XXYLT1: variants seen among roughly 807,000 people sequenced by gnomAD.
XXYLT1 encodes UDP-xylose:alpha-xyloside alpha-1,3-xylosyltransferase.
XXYLT1 carries 20 observed loss-of-function variants against 28.9 expected under a neutral mutation model. The ratio of observed to expected loss-of-function variants is 0.69; its 90% CI spans 0.49 to 1.00. The LOEUF (loss-of-function observed/expected upper bound fraction) is 1.00. XXYLT1 is among the 50% of genes least tolerant of loss of function. The pLI, the probability that XXYLT1 is intolerant of heterozygous loss-of-function variation, is 0.00. For missense variants in XXYLT1, 542 were observed against 560.1 expected (o/e 0.97, Z 0.33); for synonymous variants, 257 against 253.8 (o/e 1.01, Z -0.12).
chr3:195,071,873 G>A (rs960433501), intron 3 of XXYLT1, among the ~76,000 whole-genome samples: 8 of 152,192 alleles, frequency 5.3e-5, no homozygotes, highest in African/African-American at 1.9e-4. Flanking sequence ...TACCCTTCGA[G>A]GGGTGGGAAC....
intron 2 of XXYLT1, among the ~76,000 whole-genome samples, chr3:195,193,596 A>G (rs535139186): frequency 6.6e-6 from 1 of 152,340 alleles, no homozygotes; most frequent in African/African-American, 2.4e-5. Flanking sequence ...AATTTTGTAT[A>G]ATAACAAAGT....
intron 1 of XXYLT1, among the ~76,000 whole-genome samples, chr3:195,231,372 C>T (rs1184913011): frequency 2.0e-5 from 3 of 151,980 alleles, no homozygotes; most frequent in Admixed American, 1.3e-4. Context: ...TTTGGATAGG[C>T]TTTATGTCGT....
Position 195,180,457 on chromosome 3 carries a change from C to T in XXYLT1, c.653-23876G>A. Reference sequence around the variant, plus strand: ...GCTGCTTTTCTCATTTCATGAACTTCTTTTGAACAATTTCCTGTTCCTTTT... The same window carrying T: ...GCTGCTTTTCTCATTTCATGAACTTTTTTTGAACAATTTCCTGTTCCTTTT... On this transcript the variant is annotated intron_variant, in intron 2 of 3. Transcript: ENST00000310380. The surrounding 1 kb of genome is among the most constrained non-coding windows in gnomAD (Gnocchi z 5.8). The T allele has an allele frequency of 2.0e-6, 2 of 985,594 alleles. No individual in the cohort carries two copies. The highest frequency in any genetic ancestry group is 2.4e-6 in the Non-Finnish European group (2 of 830,048). The allele number at this position is 985,594 out of a possible 1,614,324, so 61.1% of individuals were successfully genotyped here. A position where few individuals can be genotyped will look rare whatever the true frequency, so the allele number is the denominator to read the frequency against.
rs1715217156 is a variant in XXYLT1 at position 195,077,939 on chromosome 3, TA to T, written c.786-7829del. On this transcript the variant is annotated intron_variant, in intron 3 of 3. Coordinates refer to ENST00000310380, the MANE Select transcript of XXYLT1 (RefSeq NM_152531.5). The surrounding 1 kb of genome is among the most constrained non-coding windows in gnomAD (Gnocchi z 4.8). ...CCCAGCATCTGCAGCCCTGGAGCTG[TA>T]AAAACAGATGGGCAGGGACTGGGGA... Among the ~76,000 whole-genome samples, 1 of 152,048 alleles carries T rather than the reference TA, an allele frequency of 6.6e-6. No homozygotes were observed. The highest frequency in any genetic ancestry group is 6.5e-5 in the Admixed American group (1 of 15,270).
intron 1 of XXYLT1, among the ~76,000 whole-genome samples, chr3:195,259,234 AC>A (rs1725589059): frequency 6.6e-6 from 1 of 152,244 alleles, no homozygotes; most frequent in Non-Finnish European, 1.5e-5. Context: ...AATAAATAAA[AC>A]CAATGGCCTT....
Position 195,164,336 on chromosome 3 carries a change from C to T in XXYLT1, c.653-7755G>A, listed in dbSNP as rs548491971. Among the ~76,000 whole-genome samples, 11 of 152,336 alleles carry T rather than the reference C, an allele frequency of 7.2e-5. No individual in the cohort carries two copies. In the South Asian group the frequency reaches 1.7e-3, roughly 23 times the overall value. Reference sequence around the variant, plus strand: ...TGCAGTGGAGCCGCTGCTGTGTTTCCGCATGGACTCTTGCTTGCTTCCCCT... The same window carrying T: ...TGCAGTGGAGCCGCTGCTGTGTTTCTGCATGGACTCTTGCTTGCTTCCCCT... On this transcript the variant is annotated intron_variant, in intron 2 of 3. Coordinates refer to ENST00000310380, the MANE Select transcript of XXYLT1 (RefSeq NM_152531.5).
chr3:195,158,139 C>G (rs1015976589), intron 2 of XXYLT1, among the ~76,000 whole-genome samples: 1 of 152,200 alleles, frequency 6.6e-6, no homozygotes, highest in African/African-American at 2.4e-5. Flanking sequence ...ATCATCACAT[C>G]GAAAGCCCAC....
At chr3:195,185,660 G>C (rs545800725) in intron 2 of XXYLT1, among the ~76,000 whole-genome samples, 50 of 152,162 alleles carry the variant, frequency 3.3e-4, no homozygotes, top group African/African-American at 1.2e-3. Flanking sequence ...CACAGGTGTT[G>C]GGCTGGCCTG....
At chr3:195,204,341 CAAA>C (rs962372077) in intron 2 of XXYLT1, among the ~76,000 whole-genome samples, 1 of 106,758 alleles carries the variant, frequency 9.4e-6, no homozygotes. Flanking sequence ...GACTCTGTCT[CAAA>C]AAAAAAAAAA....
rs1249814105 is a variant in XXYLT1, at chr3:195,143,865, G to GAT, written c.785+12582_785+12583dup. Reference sequence around the variant, plus strand: ...ATAGATATATATATAGATATATATAGATATAGATATATATATATATATATT... The same window carrying GAT: ...ATAGATATATATATAGATATATATAGATATATAGATATATATATATATATATT... On this transcript the variant is annotated intron_variant, in intron 3 of 3. Coordinates refer to ENST00000310380, the MANE Select transcript of XXYLT1 (RefSeq NM_152531.5). 2.5e-4 allele frequency among the ~76,000 whole-genome samples: 19 copies of GAT among 76,470 alleles called. 1 individual carries two copies. Among genetic ancestry groups the GAT allele is most frequent in the Non-Finnish European group, 4.4e-4 (18 of 41,348 alleles). The allele number at this position is 76,470 out of a possible 152,430, so 50.2% of individuals were successfully genotyped here.
At position 195,143,805 on chromosome 3, in the gene XXYLT1, G is replaced by GAT. The variant is rs1471076073; in HGVS notation, c.785+12642_785+12643dup. 9.4e-4 allele frequency among the ~76,000 whole-genome samples: 50 copies of GAT among 52,944 alleles called. 1 individual carries two copies. Among genetic ancestry groups the GAT allele is most frequent in the African/African-American group, 2.8e-3 (38 of 13,730 alleles). 34.7% of individuals were successfully genotyped at this position (52,944 alleles called of 152,430 possible). ...CTCATTATATATATATATATAGATAGATATATATAGATATAGATATATATA... is the reference window on the plus strand; with the variant it reads ...CTCATTATATATATATATATAGATAGATATATATATAGATATAGATATATATA... On this transcript the variant is annotated intron_variant, in intron 3 of 3. Transcript: ENST00000310380.
chr3:195,183,823 A>G (rs548062242), intron 2 of XXYLT1, among the ~76,000 whole-genome samples: 29 of 152,308 alleles, frequency 1.9e-4, no homozygotes, highest in African/African-American at 5.1e-4. Context: ...ACCCCTCAAC[A>G]GTCCAAGACT....
chr3:195,258,716 G>A (rs760962691), intron 1 of XXYLT1, among the ~76,000 whole-genome samples: 1 of 152,238 alleles, frequency 6.6e-6, no homozygotes, highest in Admixed American at 6.5e-5. Context: ...GCAGGAAAGA[G>A]AAAGTGTGGA....
At chr3:195,218,059 G>A (rs1723652405) in intron 2 of XXYLT1, among the ~76,000 whole-genome samples, 1 of 149,640 alleles carries the variant, frequency 6.7e-6, no homozygotes, top group South Asian at 2.1e-4. Context: ...AACAAGTAAT[G>A]AGGAACGGAT....
intron 1 of XXYLT1, among the ~76,000 whole-genome samples, chr3:195,236,683 C>G (rs1476511038): frequency 1.3e-5 from 2 of 152,044 alleles, no homozygotes; most frequent in Non-Finnish European, 2.9e-5. Flanking sequence ...TTAACCACCA[C>G]AGCTGTGAAT....
At chr3:195,165,762 C>T (rs982218177) in intron 2 of XXYLT1, among the ~76,000 whole-genome samples, 30 of 152,090 alleles carry the variant, frequency 2.0e-4, no homozygotes, top group African/African-American at 6.5e-4. Flanking sequence ...AAAAGATGGA[C>T]GATCTATCAT....
At chr3:195,268,155 C>A (rs567712805) in intron 1 of XXYLT1, among the ~76,000 whole-genome samples, 1 of 151,988 alleles carries the variant, frequency 6.6e-6, no homozygotes, top group Admixed American at 6.6e-5. Context: ...GGAGGCCAGG[C>A]GCGGTGGTTC....
intron 3 of XXYLT1, among the ~76,000 whole-genome samples, chr3:195,097,138 C>T (rs1022336355): frequency 1.3e-5 from 2 of 152,194 alleles, no homozygotes; most frequent in Non-Finnish European, 2.9e-5. Flanking sequence ...TTTTAATCTG[C>T]TGCTGGTGTG....
rs975819438 is a variant in XXYLT1, at chr3:195,256,325, C to T, written c.504+14230G>A. Among the ~76,000 whole-genome samples, 12 of 152,162 alleles carry T rather than the reference C, an allele frequency of 7.9e-5. No individual in the cohort carries two copies. Among genetic ancestry groups the T allele is most frequent in the Non-Finnish European group, 1.8e-4 (12 of 68,020 alleles). On this transcript the variant is annotated intron_variant, in intron 1 of 3. Coordinates refer to ENST00000310380, the MANE Select transcript of XXYLT1 (RefSeq NM_152531.5). The surrounding 1 kb of genome is among the most constrained non-coding windows in gnomAD (Gnocchi z 4.2). ...GGTGCCTGCCACCCAGGGTCTCCTG[C>T]GATGGTGGCAACTGTGGCTCATTGA...
Sources: gnomAD v4.1 joint callset for allele counts (sites outside exome capture counted in the v4.1 genomes callset) on GRCh38, gnomAD v4.1.1 for gene constraint, Gnocchi (gnomAD v3.1) non-coding constraint, MANE v1.5 for transcripts, NCBI Gene and HGNC (gene_info 2026-07-23, HGNC 2026-07-21) for gene names.